Variants in HHLA1 observed in about 807,000 individuals in gnomAD.
The protein encoded by HHLA1 is HERV-H LTR-associating protein 1.
A neutral mutation model predicts 69.9 loss-of-function variants in HHLA1; 72 were observed. The observed-to-expected ratio is 1.03, with a 90% confidence interval of 0.85 to 1.25. The LOEUF is 1.25. Among genes scored for constraint, HHLA1 ranks in the 50% most tolerant of loss-of-function variants. The pLI is 0.00. For missense variants in HHLA1, 685 were observed against 642.2 expected (o/e 1.07, Z -0.72); for synonymous variants, 252 against 233.2 (o/e 1.08, Z -0.73).
intron 10 of HHLA1, among the ~76,000 whole-genome samples, chr8:132,081,880 G>A (rs1823758180): frequency 1.3e-5 from 2 of 152,184 alleles, no homozygotes; most frequent in Non-Finnish European, 2.9e-5. Context: ...TTTCCACGAT[G>A]GAAAGGAAAT....
At chr8:132,106,774 G>A (rs1394678786) in intron 1 of HHLA1, among the ~76,000 whole-genome samples, 2 of 152,210 alleles carry the variant, frequency 1.3e-5, no homozygotes, top group Non-Finnish European at 2.9e-5. Context: ...CTGAGAGAGA[G>A]ATGGACAGGG....
At chr8:132,105,597 T>C (rs1824191149) in intron 1 of HHLA1, among the ~76,000 whole-genome samples, 1 of 152,206 alleles carries the variant, frequency 6.6e-6, no homozygotes, top group Non-Finnish European at 1.5e-5. Context: ...TGTAGCCTCC[T>C]TAGACTTTGA....
chr8:132,105,161 A>C (rs1392986965), intron 2 of HHLA1, 26 bp downstream of exon 2: 4 of 1,511,936 alleles, frequency 2.6e-6, no homozygotes, highest in South Asian at 1.2e-5. Context: ...CAGAACAGAC[A>C]CTTGCAGAAC....
intron 3 of HHLA1, among the ~76,000 whole-genome samples, chr8:132,103,862 G>A (rs2469645): frequency 0.88 from 133,667 of 152,202 alleles, 58,776 homozygotes; most frequent in Middle Eastern, 0.95. Context: ...GGCAAGTAAC[G>A]GTACCCCCCA....
intron 16 of HHLA1, 131 bp downstream of exon 16, chr8:132,065,755 T>A: frequency 2.5e-6 from 1 of 397,476 alleles, no homozygotes; most frequent in Non-Finnish European, 5.0e-6. Context: ...TAGGTGCTCT[T>A]TGTCCCAAAT....
chr8:132,072,145 G>A (rs769869989), intron 14 of HHLA1, among the ~76,000 whole-genome samples: 53 of 152,142 alleles, frequency 3.5e-4, no homozygotes, highest in Non-Finnish European at 5.9e-4. Flanking sequence ...TTATGTTTCC[G>A]TGAACCAGAT....
At chr8:132,070,250 C>T (rs1823510710) in intron 15 of HHLA1, 4 of 690,680 alleles carry the variant, frequency 5.8e-6, no homozygotes, top group South Asian at 4.6e-5. Flanking sequence ...GAAGAAATAA[C>T]AGTATGTCAG....
intron 10 of HHLA1, among the ~76,000 whole-genome samples, chr8:132,082,101 T>A (rs1338621821): frequency 6.6e-6 from 1 of 152,084 alleles, no homozygotes; most frequent in Non-Finnish European, 1.5e-5. Context: ...TCAGGAATAA[T>A]GTGGGAGGCC....
chr8:132,101,896 A>G (rs2436096), intron 3 of HHLA1, among the ~76,000 whole-genome samples: 30,455 of 152,212 alleles, frequency 0.2, 3,606 homozygotes, highest in Middle Eastern at 0.31. Flanking sequence ...TTAAGTGCAC[A>G]ATATAGTATT....
intron 7 of HHLA1, among the ~76,000 whole-genome samples, chr8:132,090,583 G>A (rs1823931194): frequency 6.6e-6 from 1 of 152,156 alleles, no homozygotes; most frequent in Non-Finnish European, 1.5e-5. Context: ...ACCAACAGAT[G>A]ATGGGCACTA....
intron 5 of HHLA1, among the ~76,000 whole-genome samples, chr8:132,096,971 G>A (rs556177300): frequency 3.9e-4 from 60 of 152,196 alleles, no homozygotes; most frequent in Admixed American, 2.5e-3. Flanking sequence ...CACTGTGCCC[G>A]GTCTCAGGTG....
At chr8:132,093,505 C>A (rs1049954159) in intron 7 of HHLA1, among the ~76,000 whole-genome samples, 1 of 152,164 alleles carries the variant, frequency 6.6e-6, no homozygotes, top group Non-Finnish European at 1.5e-5. Flanking sequence ...AGGTGTTGAG[C>A]AACGGCAAGT....
chr8:132,080,424 C>T (rs556813169), intron 10 of HHLA1: 249 of 278,644 alleles, frequency 8.9e-4, no homozygotes, highest in Middle Eastern at 2.6e-3. Flanking sequence ...TGTTCTCTGG[C>T]GGGCAGGAGT....
Position 132,095,749 on chromosome 8 carries a change from G to A in HHLA1, c.318C>T (p.Ser106=). The part of the protein sequence containing the change: ...KKFFSLLSVT[S]YSSFAFHKFS... ...ACTTGTGGAAGGCGAAGGAACTGTA[G>A]GAAGTGACACTCAGCAAGGAGAAGA... Residue 106 remains serine, a synonymous_variant, in exon 6 of 17, where the codon TCC becomes TCT. Coordinates refer to ENST00000414222, the MANE Select transcript of HHLA1 (RefSeq NM_001145095.3). The A allele has an allele frequency of 6.4e-7, 1 of 1,551,336 alleles. No homozygotes were observed. The highest frequency in any genetic ancestry group is 1.2e-5 in the South Asian group (1 of 84,004).
At chr8:132,093,205 T>C (rs530048461) in intron 7 of HHLA1, among the ~76,000 whole-genome samples, 2 of 152,316 alleles carry the variant, frequency 1.3e-5, no homozygotes, top group East Asian at 3.9e-4. Flanking sequence ...ATATAGGTAG[T>C]GTAGACAGCC....
intron 7 of HHLA1, among the ~76,000 whole-genome samples, chr8:132,094,844 T>G (rs1314838405): frequency 6.6e-6 from 1 of 152,238 alleles, no homozygotes; most frequent in African/African-American, 2.4e-5. Flanking sequence ...TGGGTCATAG[T>G]GCACGCTCAG....
At chr8:132,086,194 G>A (rs969394851) in intron 10 of HHLA1, among the ~76,000 whole-genome samples, 1 of 152,172 alleles carries the variant, frequency 6.6e-6, no homozygotes, top group African/African-American at 2.4e-5. Context: ...CCCTAGGGAA[G>A]GCTCAAGAGG....
At position 132,095,265 on chromosome 8, in the gene HHLA1, T is replaced by C. The variant is rs74890716; in HGVS notation, c.448+254A>G. Among the ~76,000 whole-genome samples, 185 of 152,360 alleles carry C rather than the reference T, an allele frequency of 1.2e-3. 2 individuals carry two copies. In the East Asian group the frequency reaches 0.033, roughly 27 times the overall value. On this transcript the variant is annotated intron_variant, in intron 7 of 16. Transcript: ENST00000414222. ...AAGTTTAATTATGTGGGAGACTACT[T>C]AACCATTTTCCCTCATGATGGATAT...
chr8:132,089,725 A>C (rs1034265721), intron 7 of HHLA1, 126 bp from the exon 8 acceptor site: 5 of 644,710 alleles, frequency 7.8e-6, no homozygotes, highest in Non-Finnish European at 1.4e-5. Flanking sequence ...GAGGAATATC[A>C]ACAATGATAC....
Sources: allele counts gnomAD v4.1 joint callset (sites outside exome capture counted in the v4.1 genomes callset), GRCh38; gene constraint gnomAD v4.1.1; transcripts MANE v1.5; gene names NCBI Gene and HGNC (gene_info 2026-07-23, HGNC 2026-07-21).